Variants in ABAT observed in about 807,000 individuals in gnomAD.
The protein encoded by ABAT is 4-aminobutyrate aminotransferase, mitochondrial.
In ABAT, 45 loss-of-function variants were observed where a neutral mutation model predicts 64.6. The observed-to-expected ratio is 0.70, with a 90% CI of 0.55 to 0.89. The LOEUF is 0.89. Among genes scored for constraint, ABAT ranks in the 40% least tolerant of loss-of-function variants. The probability of loss-of-function intolerance (pLI) is 0.00; values close to 1 mark genes in which losing one functional copy is unlikely to be tolerated. For missense variants in ABAT, 633 were observed against 658.4 expected, an observed-to-expected ratio of 0.96 and a Z score of 0.42; for synonymous variants, 297 against 250.5, an observed-to-expected ratio of 1.19 and a Z score of -1.75.
chr16:8,681,967 G>A (rs529682298), intron 1 of ABAT, among the ~76,000 whole-genome samples: 2 of 152,090 alleles, frequency 1.3e-5, no homozygotes, highest in South Asian at 2.1e-4. Context: ...ACGTGGAAGC[G>A]AGGCTGTCCT....
At chr16:8,703,411 G>C (rs117574358) in intron 1 of ABAT, among the ~76,000 whole-genome samples, 7 of 151,914 alleles carry the variant, frequency 4.6e-5, no homozygotes, top group African/African-American at 1.5e-4. Context: ...AACCAAAATC[G>C]TGCCATTGCT....
At chr16:8,733,856 A>G (rs954459593) in intron 1 of ABAT, among the ~76,000 whole-genome samples, 1 of 152,154 alleles carries the variant, frequency 6.6e-6, no homozygotes, top group African/African-American at 2.4e-5. Context: ...ATCTTAATCT[A>G]CTTTAGGTTT....
At chr16:8,675,960 C>T (rs925633612) in intron 1 of ABAT, among the ~76,000 whole-genome samples, 35 of 151,808 alleles carry the variant, frequency 2.3e-4, no homozygotes, top group African/African-American at 8.2e-4. Context: ...CTGCTGGGCC[C>T]ATCCACTGGG....
intron 1 of ABAT, among the ~76,000 whole-genome samples, chr16:8,729,147 A>AAAT (rs1414596706): frequency 6.7e-6 from 1 of 150,216 alleles, no homozygotes; most frequent in African/African-American, 2.5e-5. Context: ...GCTCTACTGA[A>AAAT]AAAAAAAAAA....
intron 1 of ABAT, among the ~76,000 whole-genome samples, chr16:8,692,693 GGCTA>G (rs1473633152): frequency 6.6e-6 from 1 of 152,132 alleles, no homozygotes; most frequent in Non-Finnish European, 1.5e-5. Flanking sequence ...CACTCCGCTG[GGCTA>G]GCTATCTGCA....
At chr16:8,747,439 A>T (rs1437226471) in intron 3 of ABAT, among the ~76,000 whole-genome samples, 1 of 152,188 alleles carries the variant, frequency 6.6e-6, no homozygotes, top group East Asian at 1.9e-4. Flanking sequence ...AACGGGAGAC[A>T]TTTTAAATGC....
Position 8,775,086 on chromosome 16 carries a change from T to A in ABAT, c.1122+29T>A, listed in dbSNP as rs1177097497. The A allele has an allele frequency of 1.9e-6, 3 of 1,613,878 alleles. No individual in the cohort carries two copies. The South Asian group carries it at 3.3e-5, about 18-fold the overall frequency. Reference sequence around the variant, plus strand: ...AGTTGGAGCCAACCTTCTCTCTACATCCAGGGCAGAGAAGGGAGCATCCTC... The same window carrying A: ...AGTTGGAGCCAACCTTCTCTCTACAACCAGGGCAGAGAAGGGAGCATCCTC... On this transcript the variant is annotated intron_variant, in intron 13 of 15. Coordinates refer to ENST00000268251, the MANE Select transcript of ABAT (RefSeq NM_020686.6).
At chr16:8,693,087 T>C (rs1477149222) in intron 1 of ABAT, among the ~76,000 whole-genome samples, 1 of 152,156 alleles carries the variant, frequency 6.6e-6, no homozygotes, top group Non-Finnish European at 1.5e-5. Flanking sequence ...ACTCATGACC[T>C]CAGGTGATCC....
At chr16:8,693,433 G>T (rs543863018) in intron 1 of ABAT, among the ~76,000 whole-genome samples, 11 of 152,214 alleles carry the variant, frequency 7.2e-5, no homozygotes, top group Non-Finnish European at 1.3e-4. Flanking sequence ...TCAAATCCAT[G>T]TTATTGAAGG....
At chr16:8,713,421 T>C (rs1053549038) in intron 1 of ABAT, 1 of 161,400 alleles carries the variant, frequency 6.2e-6, no homozygotes, top group African/African-American at 2.5e-5. Context: ...TTAAAAAAAA[T>C]CTGTATTCTA....
Position 8,776,372 on chromosome 16 carries a change from G to A in ABAT, c.1151G>A (p.Gly384Glu), listed in dbSNP as rs1310344351. The change falls in exon 14 of 16, where the codon GGG becomes GAG. Residue 384 changes from glycine (G) to glutamate (E), a missense_variant. Coordinates refer to ENST00000268251, the MANE Select transcript of ABAT (RefSeq NM_020686.6). The surrounding 1 kb of genome is among the most constrained non-coding windows in gnomAD (Gnocchi z 4.4). ...APYRIFNTWL[G>E]DPSKNLLLAE... ...TACCGGATCTTCAACACCTGGCTGG[G>A]GGACCCGTCCAAGAACCTGTTGCTG... The A allele has an allele frequency of 6.2e-7, 1 of 1,614,102 alleles. No homozygotes were observed. Among genetic ancestry groups the A allele is most frequent in the Non-Finnish European group, 8.5e-7 (1 of 1,180,052 alleles).
At chr16:8,684,722 C>CA (rs35012807) in intron 1 of ABAT, among the ~76,000 whole-genome samples, 1,354 of 121,596 alleles carry the variant, frequency 0.011, 23 homozygotes, top group African/African-American at 0.035. Flanking sequence ...GATCCTGTCT[C>CA]AAAAAAAAAA....
intron 1 of ABAT, among the ~76,000 whole-genome samples, chr16:8,676,982 A>G (rs1442908001): frequency 1.3e-5 from 2 of 152,188 alleles, no homozygotes; most frequent in African/African-American, 4.8e-5. Flanking sequence ...GCCCCCACCC[A>G]GTTCCCAGCT....
chr16:8,706,205 G>A (rs185633088), intron 1 of ABAT, among the ~76,000 whole-genome samples: 51 of 150,362 alleles, frequency 3.4e-4, no homozygotes, highest in African/African-American at 1.2e-3. Flanking sequence ...ACCAGTCTGG[G>A]CAACATGATG....
At chr16:8,742,563 A>G (rs2059193067) in intron 2 of ABAT, among the ~76,000 whole-genome samples, 1 of 152,012 alleles carries the variant, frequency 6.6e-6, no homozygotes, top group Admixed American at 6.6e-5. Context: ...AAAGATAAAT[A>G]GTTTAGTGTA....
chr16:8,748,512 G>T (rs551431529), intron 4 of ABAT, among the ~76,000 whole-genome samples: 1 of 152,202 alleles, frequency 6.6e-6, no homozygotes, highest in East Asian at 1.9e-4. Context: ...TTCTGCTGTT[G>T]TTGGGCAGAG....
intron 1 of ABAT, among the ~76,000 whole-genome samples, chr16:8,726,510 G>C (rs1352909279): frequency 6.6e-6 from 1 of 152,130 alleles, no homozygotes; most frequent in Non-Finnish European, 1.5e-5. Context: ...CTCCCAAAGT[G>C]CTGGGATTAC....
At chr16:8,687,698 T>C (rs2057487997) in intron 1 of ABAT, among the ~76,000 whole-genome samples, 1 of 152,154 alleles carries the variant, frequency 6.6e-6, no homozygotes, top group Non-Finnish European at 1.5e-5. Flanking sequence ...GGCTGAGGCC[T>C]GTGTCTTAGA....
At chr16:8,714,314 A>G (rs529406329) in intron 1 of ABAT, among the ~76,000 whole-genome samples, 1 of 152,324 alleles carries the variant, frequency 6.6e-6, no homozygotes, top group African/African-American at 2.4e-5. Flanking sequence ...CAAGAACAGC[A>G]CAAACACACA....
Sources: gnomAD v4.1 joint callset for allele counts (sites outside exome capture counted in the v4.1 genomes callset) on GRCh38, gnomAD v4.1.1 for gene constraint, Gnocchi (gnomAD v3.1) non-coding constraint, MANE v1.5 for transcripts, NCBI Gene and HGNC (gene_info 2026-07-23, HGNC 2026-07-21) for gene names.